The following SHANK2 variants were observed in gnomAD, a reference collection of about 807,000 sequenced individuals.
SHANK2 encodes the protein SH3 and multiple ankyrin repeat domains 2, also known as SH3 and multiple ankyrin repeat domains protein 2.
Under a neutral mutation model 133.7 loss-of-function variants are expected in SHANK2, and 43 were observed. The observed-to-expected ratio is 0.32, with a 90% CI of 0.25 to 0.41. The LOEUF (loss-of-function observed/expected upper bound fraction) is 0.41. Ranked by LOEUF, SHANK2 falls within the 10% of genes least tolerant of loss-of-function variation. SHANK2 has a pLI of 1.00. For synonymous variants in SHANK2, 1,017 were observed against 952.8 expected (o/e 1.07, Z -1.24); for missense variants, 1,994 against 2,235.8 (o/e 0.89, Z 2.18).
intron 17 of SHANK2, among the ~76,000 whole-genome samples, chr11:70,543,200 G>T (rs575856769): frequency 3.8e-4 from 58 of 152,348 alleles, no homozygotes; most frequent in African/African-American, 1.1e-3. Flanking sequence ...CACAGTCTGC[G>T]TTGTGAAATG....
chr11:71,108,678 G>C (rs1212166255), intron 6 of SHANK2, among the ~76,000 whole-genome samples: 1 of 152,186 alleles, frequency 6.6e-6, no homozygotes, highest in Admixed American at 6.5e-5. Flanking sequence ...CAGGGCCTGG[G>C]GCTGCTCAGC....
chr11:71,128,319 G>A (rs149809272), intron 3 of SHANK2, among the ~76,000 whole-genome samples: 5 of 152,160 alleles, frequency 3.3e-5, no homozygotes, highest in East Asian at 1.9e-4. Context: ...AGATCCTTCC[G>A]AAACCTGCTG....
intron 17 of SHANK2, among the ~76,000 whole-genome samples, chr11:70,526,135 G>A (rs534893321): frequency 1.3e-4 from 20 of 152,248 alleles, no homozygotes; most frequent in African/African-American, 4.8e-4. Context: ...TGCCAGGCAA[G>A]GTGATCCTGC....
chr11:70,734,766 A>G (rs1806922064), intron 14 of SHANK2, among the ~76,000 whole-genome samples: 1 of 152,208 alleles, frequency 6.6e-6, no homozygotes, highest in African/African-American at 2.4e-5. Context: ...CCAGTGTTAC[A>G]TAGCCACAGG....
intron 2 of SHANK2, among the ~76,000 whole-genome samples, chr11:71,192,575 G>T (rs79686626): frequency 0.03 from 4,630 of 152,238 alleles, 106 homozygotes; most frequent in African/African-American, 0.062. Flanking sequence ...CCTTTATGAA[G>T]ATATTTTAAA....
chr11:71,213,745 T>G (rs1014288169), intron 2 of SHANK2, among the ~76,000 whole-genome samples: 10 of 151,600 alleles, frequency 6.6e-5, no homozygotes, highest in Admixed American at 3.3e-4. Context: ...CTTGCCAGCC[T>G]GCCGCCTCCA....
At chr11:70,758,404 CAG>C (rs1290267002) in intron 14 of SHANK2, among the ~76,000 whole-genome samples, 2 of 152,348 alleles carry the variant, frequency 1.3e-5, no homozygotes, top group East Asian at 3.9e-4. Flanking sequence ...CCGGATCTGG[CAG>C]AGTGTCCCCT....
chr11:70,949,027 T>G (rs1425157968), intron 10 of SHANK2, among the ~76,000 whole-genome samples: 1 of 152,152 alleles, frequency 6.6e-6, no homozygotes, highest in African/African-American at 2.4e-5. Context: ...ACTCACTGCC[T>G]GCCCTGCAGG....
intron 14 of SHANK2, among the ~76,000 whole-genome samples, chr11:70,732,043 A>C (rs964887931): frequency 7.8e-4 from 119 of 151,792 alleles, no homozygotes; most frequent in Middle Eastern, 3.4e-3. Context: ...GGCCACACAC[A>C]CCCCCAGGGT....
intron 13 of SHANK2, among the ~76,000 whole-genome samples, chr11:70,803,810 T>TAAA (rs553608014): frequency 1.5e-5 from 2 of 130,402 alleles, no homozygotes; most frequent in Non-Finnish European, 1.7e-5. Flanking sequence ...GCCCTTGAAT[T>TAAA]AAAAAAAAAA....
In SHANK2 at chr11:70,935,350, C is replaced by A. The variant is rs576151614; in HGVS notation, c.1108-38783G>T. ...CATCCACCCAGGTCCTGAAACACAGCCCACACAGGTAAGAGGGGTCTGCTA... is the reference window on the plus strand; with the variant it reads ...CATCCACCCAGGTCCTGAAACACAGACCACACAGGTAAGAGGGGTCTGCTA... On this transcript the variant is annotated intron_variant, in intron 10 of 25. Coordinates refer to ENST00000601538, the MANE Select transcript of SHANK2 (RefSeq NM_012309.5). Among the ~76,000 whole-genome samples the A allele has an allele frequency of 1.3e-4, 20 of 152,262 alleles. No individual in the cohort carries two copies. The East Asian group carries it at 3.7e-3, about 28-fold the overall frequency.
intron 2 of SHANK2, among the ~76,000 whole-genome samples, chr11:71,161,838 C>T (rs782162911): frequency 6.6e-6 from 1 of 152,254 alleles, no homozygotes; most frequent in African/African-American, 2.4e-5. Flanking sequence ...GGGCCTTAGT[C>T]ACTCACATTT....
intron 14 of SHANK2, among the ~76,000 whole-genome samples, chr11:70,718,050 C>T (rs900442609): frequency 1.3e-5 from 2 of 152,060 alleles, no homozygotes; most frequent in African/African-American, 4.8e-5. Flanking sequence ...CTTTTTTTTC[C>T]CCTAGTGCCA....
chr11:70,661,755 CGTTCATCA>C (rs1555013451), intron 15 of SHANK2, 77 bp from the exon 16 acceptor site: 1 of 1,613,950 alleles, frequency 6.2e-7, no homozygotes, highest in African/African-American at 1.3e-5. Context: ...CCGCCGGGGA[CGTTCATCA>C]TCATAGCCAA....
intron 10 of SHANK2, among the ~76,000 whole-genome samples, chr11:70,910,618 G>A (rs868983863): frequency 1.3e-5 from 2 of 152,240 alleles, no homozygotes; most frequent in Non-Finnish European, 2.9e-5. Context: ...GACCAGCCTG[G>A]CCAAAGTGGC....
At chr11:70,825,057 T>C (rs1235642033) in intron 11 of SHANK2, among the ~76,000 whole-genome samples, 1 of 152,086 alleles carries the variant, frequency 6.6e-6, no homozygotes, top group African/African-American at 2.4e-5. Flanking sequence ...ACGGAAACGC[T>C]GCCTCCCACA....
At chr11:70,759,738 G>A (rs543012060) in intron 14 of SHANK2, among the ~76,000 whole-genome samples, 23 of 152,318 alleles carry the variant, frequency 1.5e-4, no homozygotes, top group Non-Finnish European at 2.4e-4. Flanking sequence ...GGCTGTCATA[G>A]TGCTTTTCTC....
At chr11:70,538,804 C>T (rs1466618550) in intron 17 of SHANK2, among the ~76,000 whole-genome samples, 2 of 152,254 alleles carry the variant, frequency 1.3e-5, no homozygotes, top group Admixed American at 6.5e-5. Context: ...CTGGGTGGGG[C>T]GGGAGGCACG....
chr11:70,623,715 G>T (rs782796104), intron 17 of SHANK2, among the ~76,000 whole-genome samples: 15 of 152,216 alleles, frequency 9.9e-5, no homozygotes, highest in Non-Finnish European at 1.8e-4. Context: ...CTAAGAATTA[G>T]CTCCTCAGCC....
Sources: gnomAD v4.1 joint callset for allele counts (sites outside exome capture counted in the v4.1 genomes callset) on GRCh38, gnomAD v4.1.1 for gene constraint, MANE v1.5 for transcripts, NCBI Gene and HGNC (gene_info 2026-07-23, HGNC 2026-07-21) for gene names.